Variants in KCNQ1 observed in about 807,000 individuals in gnomAD.
KCNQ1 encodes potassium voltage-gated channel subfamily KQT member 1.
Under a neutral mutation model 72.4 loss-of-function variants are expected in KCNQ1, and 49 were observed. The observed-to-expected ratio is 0.68, with a 90% CI of 0.54 to 0.86. The LOEUF is 0.86. Ranked by LOEUF, KCNQ1 falls within the 40% of genes least tolerant of loss-of-function variation. The probability of loss-of-function intolerance (pLI) is 0.00; values close to 1 mark genes in which losing one functional copy is unlikely to be tolerated. For missense variants in KCNQ1, 790 were observed against 945.1 expected (o/e 0.84, Z 2.15); for synonymous variants, 450 against 412.6 (o/e 1.09, Z -1.10).
At chr11:2,525,126 G>C (rs558162213) in intron 1 of KCNQ1, among the ~76,000 whole-genome samples, 13 of 152,358 alleles carry the variant, frequency 8.5e-5, no homozygotes, top group Non-Finnish European at 1.8e-4. Flanking sequence ...GCTGCAGGGT[G>C]TGGGGACAGG....
intron 15 of KCNQ1, among the ~76,000 whole-genome samples, chr11:2,829,025 A>G (rs1847892062): frequency 1.3e-5 from 2 of 152,278 alleles, no homozygotes. Flanking sequence ...ATACCTAGTC[A>G]AACTCTCAGG....
At chr11:2,812,486 C>G (rs1847509557) in intron 15 of KCNQ1, among the ~76,000 whole-genome samples, 1 of 152,218 alleles carries the variant, frequency 6.6e-6, no homozygotes, top group Non-Finnish European at 1.5e-5. Context: ...GATCTTCCTA[C>G]TGCAGCCTCT....
rs115180105 is a variant in KCNQ1, at chr11:2,691,676, G to A, written c.1514+29595G>A. 906 of 398,586 alleles carry A rather than the reference G, an allele frequency of 2.3e-3. 4 individuals carry two copies. The highest frequency in any genetic ancestry group is 0.016 in the African/African-American group (782 of 48,698). 24.7% of individuals were successfully genotyped at this position (398,586 alleles called of 1,614,324 possible). A position where few individuals can be genotyped will look rare whatever the true frequency, so the allele number is the denominator to read the frequency against. On this transcript the variant is annotated intron_variant, in intron 11 of 15. Coordinates refer to ENST00000155840, the MANE Select transcript of KCNQ1 (RefSeq NM_000218.3). The surrounding 1 kb of genome is among the most constrained non-coding windows in gnomAD (Gnocchi z 6.4). ...TTCCAAGGGTGAAACAGAGAACCAG[G>A]TGGGGAAGGGGTCTCTCCCCATCTG...
At chr11:2,594,502 T>C (rs1848709706) in intron 10 of KCNQ1, among the ~76,000 whole-genome samples, 2 of 152,214 alleles carry the variant, frequency 1.3e-5, no homozygotes, top group Non-Finnish European at 1.5e-5. Context: ...TTGTAGAATA[T>C]TGCCTCCCCT....
Position 2,617,656 on chromosome 11 carries a change from T to C in KCNQ1, c.1393+28802T>C, listed in dbSNP as rs976172380. The C allele has an allele frequency of 5.0e-6, 2 of 398,338 alleles. No homozygotes were observed. The highest frequency in any genetic ancestry group is 8.9e-6 in the Non-Finnish European group (2 of 225,956). 24.7% of individuals were successfully genotyped at this position (398,338 alleles called of 1,614,324 possible). ...CCACCATTCTGTTTTTCATTATGACTGCACCAATCTACAGTCCCACCAACA... is the reference window on the plus strand; with the variant it reads ...CCACCATTCTGTTTTTCATTATGACCGCACCAATCTACAGTCCCACCAACA... On this transcript the variant is annotated intron_variant, in intron 10 of 15. Transcript: ENST00000155840. This position sits in a 1 kb window ranked among gnomAD's most constrained non-coding sequence, Gnocchi z 4.6.
rs111814432 is a variant in KCNQ1 at position 2,623,622 on chromosome 11, A to G, written c.1393+34768A>G. ...ATAGCTCATTTCTATTTAGTGATGA[A>G]TAATATTTCATTGCCTGGATGTACT... On this transcript the variant is annotated intron_variant, in intron 10 of 15. Coordinates refer to ENST00000155840, the MANE Select transcript of KCNQ1 (RefSeq NM_000218.3). The surrounding 1 kb of genome is among the most constrained non-coding windows in gnomAD (Gnocchi z 5.2). The G allele has an allele frequency of 1.8e-3, 719 of 398,574 alleles. 5 individuals carry two copies. Among genetic ancestry groups the G allele is most frequent in the African/African-American group, 0.014 (680 of 48,756 alleles). 24.7% of individuals were successfully genotyped at this position (398,574 alleles called of 1,614,324 possible). A position where few individuals can be genotyped will look rare whatever the true frequency, so the allele number is the denominator to read the frequency against.
rs1025415214 is a variant in KCNQ1 at position 2,813,702 on chromosome 11, G to A, written c.1795-34065G>A. Among the ~76,000 whole-genome samples the A allele has an allele frequency of 1.3e-5, 2 of 152,170 alleles. No homozygotes were observed. The highest frequency in any genetic ancestry group is 2.4e-5 in the African/African-American group (1 of 41,440). On this transcript the variant is annotated intron_variant, in intron 15 of 15. Coordinates refer to ENST00000155840, the MANE Select transcript of KCNQ1 (RefSeq NM_000218.3). This position sits in a 1 kb window ranked among gnomAD's most constrained non-coding sequence, Gnocchi z 4.4. Reference sequence around the variant, plus strand: ...TGTCACTCCGGAGGCCAGTGACTGCGTCATCAGTGCCTTTTGATCTTGTTG... The same window carrying A: ...TGTCACTCCGGAGGCCAGTGACTGCATCATCAGTGCCTTTTGATCTTGTTG...
At chr11:2,476,376 G>T (rs1477142964) in intron 1 of KCNQ1, among the ~76,000 whole-genome samples, 1 of 152,154 alleles carries the variant, frequency 6.6e-6, no homozygotes, top group African/African-American at 2.4e-5. Context: ...CTGTGTAATA[G>T]ATCTGAACAT....
chr11:2,688,080 TG>T (rs1449173395), intron 11 of KCNQ1: 5 of 398,742 alleles, frequency 1.3e-5, no homozygotes, highest in African/African-American at 1.0e-4. Flanking sequence ...TTCTAGGGCC[TG>T]GGTATGCTGG....
chr11:2,461,522 G>T (rs1334048715), intron 1 of KCNQ1: 3 of 1,335,446 alleles, frequency 2.2e-6, no homozygotes, highest in African/African-American at 3.0e-5. Context: ...ACATGTGTGT[G>T]TCTGGAGTGT....
At position 2,848,035 on chromosome 11, in the gene KCNQ1, T is replaced by C; in HGVS notation, c.*32T>C. 6.6e-7 allele frequency: 1 copy of C among 1,516,872 alleles called. No individual in the cohort carries two copies. Among genetic ancestry groups the C allele is most frequent in the Non-Finnish European group, 8.9e-7 (1 of 1,124,826 alleles). 94.0% of individuals were successfully genotyped at this position (1,516,872 alleles called of 1,614,324 possible). A position where few individuals can be genotyped will look rare whatever the true frequency, so the allele number is the denominator to read the frequency against. On this transcript the variant is annotated 3_prime_UTR_variant, in exon 16 of 16. Coordinates refer to ENST00000155840, the MANE Select transcript of KCNQ1 (RefSeq NM_000218.3). ...GATGGGGCTGGGGGATGGGCCTGAG[T>C]GAGAGGGGAGGCCAAGAGTGGCCCC...
In KCNQ1 at chr11:2,720,850, G is replaced by A. The variant is rs931244246; in HGVS notation, c.1515-47994G>A. 5.9e-5 allele frequency among the ~76,000 whole-genome samples: 9 copies of A among 152,110 alleles called. No homozygotes were observed. Among genetic ancestry groups the A allele is most frequent in the Non-Finnish European group, 8.8e-5 (6 of 68,020 alleles). On this transcript the variant is annotated intron_variant, in intron 11 of 15. Coordinates refer to ENST00000155840, the MANE Select transcript of KCNQ1 (RefSeq NM_000218.3). The surrounding 1 kb of genome is among the most constrained non-coding windows in gnomAD (Gnocchi z 5.1). ...ATTATATGGTGTTGAGTTGGGGAAC[G>A]GCCTTGCTGGGAGTTGGGGCCTGGC...
Position 2,484,877 on chromosome 11 carries a change from A to G in KCNQ1, c.386+39393A>G, listed in dbSNP as rs1846714664. Among the ~76,000 whole-genome samples, 1 of 152,146 alleles carries G rather than the reference A, an allele frequency of 6.6e-6. No individual in the cohort carries two copies. The highest frequency in any genetic ancestry group is 2.4e-5 in the African/African-American group (1 of 41,418). ...CTCCAGTTCTGCCCCAGTGGGGCCAATTCTCTCTCTTTGTTGTAACACCTT... is the reference window on the plus strand; with the variant it reads ...CTCCAGTTCTGCCCCAGTGGGGCCAGTTCTCTCTCTTTGTTGTAACACCTT... On this transcript the variant is annotated intron_variant, in intron 1 of 15. Transcript: ENST00000155840. The surrounding 1 kb of genome is among the most constrained non-coding windows in gnomAD (Gnocchi z 5.2).
intron 11 of KCNQ1, among the ~76,000 whole-genome samples, chr11:2,747,645 G>A (rs1846161181): frequency 6.6e-6 from 1 of 152,236 alleles, no homozygotes; most frequent in South Asian, 2.1e-4. Flanking sequence ...GTGCCCAGAG[G>A]AAAGGAAGAT....
At position 2,496,837 on chromosome 11, in the gene KCNQ1, A is replaced by G. The variant is rs538647477; in HGVS notation, c.387-31091A>G. Among the ~76,000 whole-genome samples the G allele has an allele frequency of 2.6e-5, 4 of 152,050 alleles. No individual in the cohort carries two copies. In the East Asian group the frequency reaches 7.7e-4, roughly 29 times the overall value. On this transcript the variant is annotated intron_variant, in intron 1 of 15. Transcript: ENST00000155840. ...TGGCTGATACTGCTTTTTCCTTTCCATGTTTAGTGCTTCCTTCAGGAGCTC... is the reference window on the plus strand; with the variant it reads ...TGGCTGATACTGCTTTTTCCTTTCCGTGTTTAGTGCTTCCTTCAGGAGCTC...
At position 2,759,175 on chromosome 11, in the gene KCNQ1, C is replaced by T. The variant is rs1846350110; in HGVS notation, c.1515-9669C>T. Among the ~76,000 whole-genome samples, 1 of 151,432 alleles carries T rather than the reference C, an allele frequency of 6.6e-6. No individual in the cohort carries two copies. The highest frequency in any genetic ancestry group is 1.5e-5 in the Non-Finnish European group (1 of 67,940). ...TTCAAAATAAAAAGAAGCAAAACAA[C>T]ACACTGGGAGGTGCAGGAAACCACA... On this transcript the variant is annotated intron_variant, in intron 11 of 15. Transcript: ENST00000155840. This position sits in a 1 kb window ranked among gnomAD's most constrained non-coding sequence, Gnocchi z 4.4.
chr11:2,743,973 G>A (rs948008772), intron 11 of KCNQ1, among the ~76,000 whole-genome samples: 2 of 152,292 alleles, frequency 1.3e-5, no homozygotes, highest in African/African-American at 4.8e-5. Flanking sequence ...TGCCCGTTCT[G>A]GCCTGATCCG....
chr11:2,627,234 A>T lies in KCNQ1; in HGVS notation c.1394-34727A>T, dbSNP rs145928927. On this transcript the variant is annotated intron_variant, in intron 10 of 15. Coordinates refer to ENST00000155840, the MANE Select transcript of KCNQ1 (RefSeq NM_000218.3). The surrounding 1 kb of genome is among the most constrained non-coding windows in gnomAD (Gnocchi z 4.9). The stretch of plus-strand genomic sequence containing the variant: ...ATTAAAAGTGCATATATTTAAGAAC[A>T]TATTTGACCTACTGTGAAATGATTA... 7.0e-5 allele frequency: 28 copies of T among 398,426 alleles called. No individual in the cohort carries two copies. Among genetic ancestry groups the T allele is most frequent in the Admixed American group, 1.3e-4 (3 of 22,712 alleles). The allele number at this position is 398,426 out of a possible 1,614,324, so 24.7% of individuals were successfully genotyped here. A position where few individuals can be genotyped will look rare whatever the true frequency, so the allele number is the denominator to read the frequency against.
chr11:2,535,461 A>C (rs1486665382), intron 2 of KCNQ1, among the ~76,000 whole-genome samples: 2 of 152,202 alleles, frequency 1.3e-5, no homozygotes. Context: ...TGGGGACAGG[A>C]GAAGTGACTT....
Sources: allele counts gnomAD v4.1 joint callset (sites outside exome capture counted in the v4.1 genomes callset), GRCh38; gene constraint gnomAD v4.1.1; non-coding constraint Gnocchi (gnomAD v3.1); transcripts MANE v1.5; gene names NCBI Gene and HGNC (gene_info 2026-07-23, HGNC 2026-07-21).